The following PIK3C3 variants were observed in gnomAD, a reference collection of about 807,000 sequenced individuals.
PIK3C3 encodes PI3-kinase type 3.
A neutral mutation model predicts 126.1 loss-of-function variants in PIK3C3; 95 were observed. The ratio of observed to expected loss-of-function variants is 0.75; its 90% CI spans 0.64 to 0.89. The LOEUF (loss-of-function observed/expected upper bound fraction) is 0.89. Among genes scored for constraint, PIK3C3 ranks in the 40% least tolerant of loss-of-function variants. The probability of loss-of-function intolerance (pLI) is 0.00; values close to 1 mark genes in which losing one functional copy is unlikely to be tolerated. For synonymous variants in PIK3C3, 374 were observed against 360.0 expected (o/e 1.04, Z -0.44); for missense variants, 829 against 1,063.2 (o/e 0.78, Z 3.06).
chr18:42,071,395 A>G lies in PIK3C3; in HGVS notation c.2649+3882A>G, dbSNP rs148152882. Among the ~76,000 whole-genome samples the G allele has an allele frequency of 7.0e-4, 106 of 152,274 alleles. 1 individual carries two copies. The East Asian group carries it at 0.016, about 23-fold the overall frequency. ...ACAAGTATGTTTTAGTGTTATCCCT[A>G]TTTTATAGATGAGAAAACTGAACCA... On this transcript the variant is annotated intron_variant, in intron 24 of 24. Coordinates refer to ENST00000262039, the MANE Select transcript of PIK3C3 (RefSeq NM_002647.4).
chr18:42,055,600 G>A (rs1985027665), intron 21 of PIK3C3, among the ~76,000 whole-genome samples: 1 of 152,056 alleles, frequency 6.6e-6, no homozygotes, highest in East Asian at 1.9e-4. Flanking sequence ...ATAAAAAATT[G>A]AAGAGTGGGA....
chr18:41,962,356 CA>C (rs545972178), intron 2 of PIK3C3, 132 bp from the exon 3 acceptor site: 8 of 552,036 alleles, frequency 1.4e-5, no homozygotes, highest in African/African-American at 1.3e-4. Context: ...AGGTGACTGC[CA>C]TATTATTTTT....
intron 24 of PIK3C3, among the ~76,000 whole-genome samples, chr18:42,074,978 A>G (rs1337359469): frequency 6.6e-6 from 1 of 152,218 alleles, no homozygotes; most frequent in Non-Finnish European, 1.5e-5. Flanking sequence ...ATAGCCATGT[A>G]CAAAGGTAAA....
intron 23 of PIK3C3, among the ~76,000 whole-genome samples, chr18:42,065,821 T>A (rs1230213168): frequency 6.6e-6 from 1 of 152,222 alleles, no homozygotes; most frequent in Admixed American, 6.5e-5. Flanking sequence ...CAGCCTAACA[T>A]AAGTCAGTAA....
rs1489663432 is a variant in PIK3C3 at position 42,004,412 on chromosome 18, G to A, written c.1041G>A (p.Gln347=). Residue 347 remains glutamine, a synonymous_variant, in exon 10 of 25, where the codon CAG becomes CAA. Coordinates refer to ENST00000262039, the MANE Select transcript of PIK3C3 (RefSeq NM_002647.4). ...VNWDLPQEAK[Q]ALELLGKWKP... is the part of the protein sequence containing the mutation. Reference sequence around the variant, plus strand: ...GGGATCTACCTCAAGAGGCCAAACAGGCCTTGGAACTTCTGGGAAAATGGA... The same window carrying A: ...GGGATCTACCTCAAGAGGCCAAACAAGCCTTGGAACTTCTGGGAAAATGGA... 2 of 1,613,662 alleles carry A rather than the reference G, an allele frequency of 1.2e-6. No individual in the cohort carries two copies. Among genetic ancestry groups the A allele is most frequent in the African/African-American group, 2.7e-5 (2 of 74,914 alleles).
At chr18:42,015,205 TAAACAAAC>T (rs113923091) in intron 11 of PIK3C3, among the ~76,000 whole-genome samples, 107 of 151,816 alleles carry the variant, frequency 7.0e-4, no homozygotes, top group African/African-American at 2.3e-3. Flanking sequence ...TAAATGGGCT[TAAACAAAC>T]AAACAAACAA....
rs2144550316 is a variant in PIK3C3, at chr18:42,085,420, C to CA, written c.*4284dup. 1.3e-5 allele frequency: 2 copies of CA among 152,204 alleles called. No individual in the cohort carries two copies. Among genetic ancestry groups the CA allele is most frequent in the African/African-American group, 4.8e-5 (2 of 41,556 alleles). 9.4% of individuals were successfully genotyped at this position (152,204 alleles called of 1,614,324 possible). A position where few individuals can be genotyped will look rare whatever the true frequency, so the allele number is the denominator to read the frequency against. ...AATTTAGGAAAAATTGCCATGAAATCATGAGCTAAGTCAATGGTTATTTTA... is the reference window on the plus strand; with the variant it reads ...AATTTAGGAAAAATTGCCATGAAATCAATGAGCTAAGTCAATGGTTATTTTA... On this transcript the variant is annotated 3_prime_UTR_variant, in exon 25 of 25. Coordinates refer to ENST00000262039, the MANE Select transcript of PIK3C3 (RefSeq NM_002647.4).
At chr18:42,021,102 T>A (rs1172516635) in intron 13 of PIK3C3, among the ~76,000 whole-genome samples, 1 of 152,180 alleles carries the variant, frequency 6.6e-6, no homozygotes, top group Admixed American at 6.6e-5. Flanking sequence ...CCTTATGGCA[T>A]TTTAAACATG....
chr18:42,018,838 A>G (rs992312336), intron 12 of PIK3C3, among the ~76,000 whole-genome samples: 1 of 152,154 alleles, frequency 6.6e-6, no homozygotes, highest in East Asian at 1.9e-4. Flanking sequence ...TTAATTACCT[A>G]CTTTCGCTAT....
intron 7 of PIK3C3, among the ~76,000 whole-genome samples, chr18:41,993,946 T>C (rs1038130023): frequency 6.6e-6 from 1 of 152,150 alleles, no homozygotes; most frequent in Admixed American, 6.6e-5. Context: ...TACAAACTTG[T>C]AGGCACAAAA....
intron 16 of PIK3C3, among the ~76,000 whole-genome samples, chr18:42,034,907 C>T (rs1386870914): frequency 3.3e-5 from 5 of 152,136 alleles, no homozygotes; most frequent in Admixed American, 2.6e-4. Context: ...TCAAGGCAAC[C>T]TCATATTTGG....
At chr18:41,968,212 A>C (rs1980469436) in intron 3 of PIK3C3, among the ~76,000 whole-genome samples, 2 of 152,124 alleles carry the variant, frequency 1.3e-5, no homozygotes, top group Non-Finnish European at 2.9e-5. Flanking sequence ...CAAAGTATTC[A>C]CTGGGGGATG....
intron 6 of PIK3C3, among the ~76,000 whole-genome samples, chr18:41,991,747 G>T (rs761480081): frequency 6.6e-6 from 1 of 151,836 alleles, no homozygotes; most frequent in Non-Finnish European, 1.5e-5. Context: ...TCCCTTTCAC[G>T]TTAGTGAAAG....
chr18:42,015,407 A>G, intron 11 of PIK3C3, 69 bp from the exon 12 acceptor site: 1 of 1,184,190 alleles, frequency 8.4e-7, no homozygotes, highest in Middle Eastern at 1.9e-4. Context: ...ACTGTTCCAT[A>G]AAAAATTGTG....
At chr18:41,955,572 G>T in intron 1 of PIK3C3, 1 of 503,400 alleles carries the variant, frequency 2.0e-6, no homozygotes, top group Non-Finnish European at 3.5e-6. Context: ...TCCGTGAGAA[G>T]CACAGCAGTA....
chr18:42,042,062 G>T (rs1363801910), intron 19 of PIK3C3, among the ~76,000 whole-genome samples: 1 of 152,146 alleles, frequency 6.6e-6, no homozygotes, highest in Admixed American at 6.5e-5. Context: ...TAGATTGTTT[G>T]TTCAAATAAT....
chr18:41,958,919 C>A (rs926155981), intron 2 of PIK3C3, among the ~76,000 whole-genome samples: 1 of 152,132 alleles, frequency 6.6e-6, no homozygotes, highest in South Asian at 2.1e-4. Context: ...AAACCTCAAA[C>A]GTTATAACAC....
At chr18:41,988,943 C>T (rs547961100) in intron 5 of PIK3C3, among the ~76,000 whole-genome samples, 76 of 152,166 alleles carry the variant, frequency 5.0e-4, no homozygotes, top group African/African-American at 1.7e-3. Flanking sequence ...GTTTGCCCAG[C>T]CTTTTTCATA....
rs1353127497 is a variant in PIK3C3 at position 42,027,423 on chromosome 18, T to C, written c.1485-20T>C. Reference sequence around the variant, plus strand: ...TAAGTTTCATTTCACATCACATGAATGGCTCAAACTATTTTTAAGGTATGT... The same window carrying C: ...TAAGTTTCATTTCACATCACATGAACGGCTCAAACTATTTTTAAGGTATGT... On this transcript the variant is annotated intron_variant, in intron 13 of 24. Coordinates refer to ENST00000262039, the MANE Select transcript of PIK3C3 (RefSeq NM_002647.4). 1.4e-6 allele frequency: 2 copies of C among 1,413,142 alleles called. No homozygotes were observed. The highest frequency in any genetic ancestry group is 2.8e-5 in the African/African-American group (2 of 70,490). The allele number at this position is 1,413,142 out of a possible 1,614,324, so 87.5% of individuals were successfully genotyped here. A position where few individuals can be genotyped will look rare whatever the true frequency, so the allele number is the denominator to read the frequency against.
Sources: allele counts gnomAD v4.1 joint callset (sites outside exome capture counted in the v4.1 genomes callset), GRCh38; gene constraint gnomAD v4.1.1; transcripts MANE v1.5; gene names NCBI Gene and HGNC (gene_info 2026-07-23, HGNC 2026-07-21).